NEK6: variants seen among roughly 807,000 people sequenced by gnomAD.
NEK6 encodes serine/threonine-protein kinase Nek6.
In NEK6, 27 loss-of-function variants were observed where a neutral mutation model predicts 43.5. The ratio of observed to expected loss-of-function variants is 0.62; its 90% CI spans 0.46 to 0.86. The LOEUF (loss-of-function observed/expected upper bound fraction) is 0.86. Among genes scored for constraint, NEK6 ranks in the 40% least tolerant of loss-of-function variants. NEK6 has a pLI of 0.00. For synonymous variants in NEK6, 167 were observed against 164.1 expected (o/e 1.02, Z -0.14); for missense variants, 318 against 414.4 (o/e 0.77, Z 2.02).
intron 1 of NEK6, among the ~76,000 whole-genome samples, chr9:124,296,734 G>A (rs997317293): frequency 6.6e-6 from 1 of 152,214 alleles, no homozygotes; most frequent in Admixed American, 6.5e-5. Flanking sequence ...CCCTCCTGGT[G>A]TCTGAGGTCG....
At chr9:124,269,015 A>G (rs1235411914) in intron 1 of NEK6, among the ~76,000 whole-genome samples, 2 of 152,216 alleles carry the variant, frequency 1.3e-5, no homozygotes, top group Non-Finnish European at 2.9e-5. Context: ...GAAGCGTCAC[A>G]GGACACCTGG....
chr9:124,296,458 A>G (rs942411764), intron 1 of NEK6, among the ~76,000 whole-genome samples: 4 of 152,120 alleles, frequency 2.6e-5, no homozygotes, highest in Admixed American at 6.5e-5. Flanking sequence ...GGGAGCCACA[A>G]CTGCCTTTGC....
chr9:124,283,716 C>G (rs1832027163), intron 1 of NEK6, among the ~76,000 whole-genome samples: 1 of 152,250 alleles, frequency 6.6e-6, no homozygotes, highest in Non-Finnish European at 1.5e-5. Context: ...CAGGGCTTGC[C>G]TCACCTTTAG....
In NEK6 at chr9:124,307,584, C is replaced by T. The variant is rs555485987; in HGVS notation, c.91-4925C>T. ...AGTGGTGACACCGCAGGGTCAGCCT[C>T]CCTGTCCCCCGGCCCCTCGATCAGT... is the stretch of plus-strand genomic sequence containing the variant. On this transcript the variant is annotated intron_variant, in intron 2 of 9. Transcript: ENST00000320246. Among the ~76,000 whole-genome samples the T allele has an allele frequency of 7.2e-4, 109 of 152,338 alleles. 2 individuals carry two copies. Among genetic ancestry groups the T allele is most frequent in the African/African-American group, 2.5e-3 (105 of 41,588 alleles).
At chr9:124,303,471 C>T (rs1036249528) in intron 2 of NEK6, among the ~76,000 whole-genome samples, 1 of 152,248 alleles carries the variant, frequency 6.6e-6, no homozygotes, top group African/African-American at 2.4e-5. Flanking sequence ...CCTGTGCTTG[C>T]ATTATCACCA....
intron 5 of NEK6, among the ~76,000 whole-genome samples, chr9:124,323,060 A>G (rs1444193756): frequency 6.6e-6 from 1 of 152,210 alleles, no homozygotes; most frequent in East Asian, 1.9e-4. Flanking sequence ...TGAACATACA[A>G]GCATCGTGTA....
At chr9:124,261,519 C>A in intron 1 of NEK6, 1 of 985,426 alleles carries the variant, frequency 1.0e-6, no homozygotes, top group African/African-American at 1.7e-5. Flanking sequence ...TGTTCTGGCC[C>A]CCTGATGTCA....
intron 4 of NEK6, among the ~76,000 whole-genome samples, chr9:124,316,323 G>A (rs145080413): frequency 6.6e-6 from 1 of 152,216 alleles, no homozygotes; most frequent in Admixed American, 6.5e-5. Context: ...TGCAATTTCT[G>A]ATCACCACTG....
chr9:124,337,850 T>G (rs1829371076), intron 7 of NEK6, among the ~76,000 whole-genome samples: 1 of 152,258 alleles, frequency 6.6e-6, no homozygotes, highest in South Asian at 2.1e-4. Flanking sequence ...CCATTTTACC[T>G]TCTCATCAGC....
At chr9:124,339,461 G>A (rs574682665) in intron 7 of NEK6, 110 bp from the exon 8 acceptor site, 114 of 764,840 alleles carry the variant, frequency 1.5e-4, no homozygotes, top group East Asian at 1.2e-3. Flanking sequence ...CTCAGAGACC[G>A]AGGCACAATC....
chr9:124,338,476 A>C lies in NEK6; in HGVS notation c.623-1095A>C, dbSNP rs79713813. Among the ~76,000 whole-genome samples the C allele has an allele frequency of 1.8e-3, 269 of 152,334 alleles. 2 individuals carry two copies. Among genetic ancestry groups the C allele is most frequent in the Middle Eastern group, 3.4e-3 (1 of 294 alleles). On this transcript the variant is annotated intron_variant, in intron 7 of 9. Coordinates refer to ENST00000320246, the MANE Select transcript of NEK6 (RefSeq NM_014397.6). ...TATGTTCTGTGAAGAGTCCGTTGTCAGGTGTATGTGTTGGGATGATTTTCT... is the reference window on the plus strand; with the variant it reads ...TATGTTCTGTGAAGAGTCCGTTGTCCGGTGTATGTGTTGGGATGATTTTCT...
chr9:124,285,134 G>C (rs1333382562), intron 1 of NEK6, among the ~76,000 whole-genome samples: 1 of 152,200 alleles, frequency 6.6e-6, no homozygotes, highest in Non-Finnish European at 1.5e-5. Context: ...TTTTGGGTCA[G>C]AACCGTATTC....
chr9:124,289,253 C>T (rs1055429756), intron 1 of NEK6, among the ~76,000 whole-genome samples: 2 of 146,178 alleles, frequency 1.4e-5, no homozygotes, highest in African/African-American at 5.1e-5. Flanking sequence ...TCTGCTCCTT[C>T]GCTGAGGGGA....
At chr9:124,333,124 G>C (rs1171934238) in intron 7 of NEK6, among the ~76,000 whole-genome samples, 2 of 152,350 alleles carry the variant, frequency 1.3e-5, no homozygotes, top group South Asian at 2.1e-4. Flanking sequence ...AGCTCTCCTG[G>C]CGTCTGGGGA....
intron 9 of NEK6, among the ~76,000 whole-genome samples, chr9:124,348,953 C>T (rs1830108650): frequency 6.6e-6 from 1 of 152,274 alleles, no homozygotes; most frequent in Non-Finnish European, 1.5e-5. Context: ...CATCGTGCTT[C>T]TTGATGGCAT....
intron 1 of NEK6, among the ~76,000 whole-genome samples, chr9:124,294,100 T>C (rs1832562272): frequency 6.6e-6 from 1 of 152,212 alleles, no homozygotes; most frequent in Non-Finnish European, 1.5e-5. Context: ...GCATGGTGGC[T>C]CACACCTGTA....
chr9:124,337,635 C>G (rs1829361321), intron 7 of NEK6, among the ~76,000 whole-genome samples: 1 of 152,224 alleles, frequency 6.6e-6, no homozygotes, highest in Non-Finnish European at 1.5e-5. Context: ...ACTGTGTGAA[C>G]AGACCACAGT....
chr9:124,264,226 C>G (rs1266700918), intron 1 of NEK6, among the ~76,000 whole-genome samples: 1 of 152,362 alleles, frequency 6.6e-6, no homozygotes, highest in East Asian at 1.9e-4. Context: ...AAGTGGCTAT[C>G]GCTCTGGGGC....
chr9:124,284,664 C>G (rs981637348), intron 1 of NEK6, among the ~76,000 whole-genome samples: 2 of 152,242 alleles, frequency 1.3e-5, no homozygotes, highest in Admixed American at 6.5e-5. Flanking sequence ...CCTTCCACAC[C>G]TGCCCCTGCA....
Sources: gnomAD v4.1 joint callset for allele counts (sites outside exome capture counted in the v4.1 genomes callset) on GRCh38, gnomAD v4.1.1 for gene constraint, MANE v1.5 for transcripts, NCBI Gene and HGNC (gene_info 2026-07-23, HGNC 2026-07-21) for gene names.